ZNF280D: variants seen among roughly 807,000 people sequenced by gnomAD.
ZNF280D encodes the protein zinc finger protein 280D.
Under a neutral mutation model 94.7 loss-of-function variants are expected in ZNF280D, and 39 were observed. That is an observed-to-expected ratio of 0.41 (90% CI 0.32 to 0.54). The LOEUF (loss-of-function observed/expected upper bound fraction) is 0.54. Among genes scored for constraint, ZNF280D ranks in the 20% least tolerant of loss-of-function variants. ZNF280D has a pLI of 0.22. For synonymous variants in ZNF280D, 398 were observed against 377.6 expected, an observed-to-expected ratio of 1.05 and a Z score of -0.63; for missense variants, 1,090 against 1,149.3, an observed-to-expected ratio of 0.95 and a Z score of 0.75.
intron 19 of ZNF280D, 142 bp from the exon 20 acceptor site, chr15:56,643,139 C>T (rs982430722): frequency 1.0e-5 from 5 of 483,088 alleles, no homozygotes; most frequent in Non-Finnish European, 1.4e-5. Context: ...GTAAATTGAC[C>T]TCTGTAAATG....
intron 14 of ZNF280D, chr15:56,668,276 A>G (rs1295579515): frequency 5.1e-6 from 2 of 392,358 alleles, no homozygotes; most frequent in Non-Finnish European, 9.9e-6. Flanking sequence ...ACAGATGTAC[A>G]TAAGGCAAAA....
At chr15:56,645,990 T>C (rs2052868487) in intron 19 of ZNF280D, among the ~76,000 whole-genome samples, 2 of 152,212 alleles carry the variant, frequency 1.3e-5, no homozygotes, top group African/African-American at 2.4e-5. Context: ...GGCCACATTC[T>C]TTCTTTCTGA....
At position 56,631,887 on chromosome 15, in the gene ZNF280D, A is replaced by G. The variant is rs1331270860; in HGVS notation, c.2551T>C (p.Leu851=). 2.5e-6 allele frequency: 4 copies of G among 1,613,530 alleles called. No homozygotes were observed. The highest frequency in any genetic ancestry group is 1.1e-5 in the South Asian group (1 of 91,070). The change falls in exon 22 of 22, where the codon TTG becomes CTG. Residue 851 remains leucine, a synonymous_variant. Transcript: ENST00000267807. ...QIQHVCQEME[L]KMCQSSENII... ...TTTTCTGAACTTTGGCACATCTTCA[A>G]CTCCATTTCCTGACAAACGTGTTGT...
chr15:56,709,373 G>C (rs572945456), intron 1 of ZNF280D, among the ~76,000 whole-genome samples: 1 of 150,088 alleles, frequency 6.7e-6, no homozygotes, highest in Non-Finnish European at 1.5e-5. Flanking sequence ...ATGCTAGAGA[G>C]GATGTGGAGA....
rs555629614 is a variant in ZNF280D, at chr15:56,655,269, G to A, written c.2058-766C>T. On this transcript the variant is annotated intron_variant, in intron 17 of 21. Transcript: ENST00000267807. The stretch of plus-strand genomic sequence containing the variant: ...GTCACCCAGGCGGGAGTGCAGTGGC[G>A]TGATCTCAGCTCACTGCAACCTCCA... Among the ~76,000 whole-genome samples, 29 of 152,294 alleles carry A rather than the reference G, an allele frequency of 1.9e-4. No individual in the cohort carries two copies. The East Asian group carries it at 3.9e-3, about 20-fold the overall frequency.
rs1382210820 is a variant in ZNF280D at position 56,678,689 on chromosome 15, A to G, written c.1137T>C (p.Ser379=). ...TAGAAAATTCATGGGGCGTATGTGT[A>G]CTTTCGATGTGACACTGCAACTGAA... is the stretch of plus-strand genomic sequence containing the variant. ...TPFQLQCHIE[S]THTPHEFSTI... is the part of the protein sequence containing the mutation. The change falls in exon 11 of 22, where the codon AGT becomes AGC. Residue 379 remains serine, a synonymous_variant. Transcript: ENST00000267807. 1.9e-6 allele frequency: 3 copies of G among 1,611,848 alleles called. No homozygotes were observed. The highest frequency in any genetic ancestry group is 3.4e-5 in the Admixed American group (2 of 59,510).
chr15:56,652,320 T>C (rs2053254686), intron 19 of ZNF280D, among the ~76,000 whole-genome samples: 1 of 152,126 alleles, frequency 6.6e-6, no homozygotes, highest in Non-Finnish European at 1.5e-5. Flanking sequence ...GAAATTAGTA[T>C]AGTAACCTTT....
intron 6 of ZNF280D, among the ~76,000 whole-genome samples, chr15:56,693,462 T>C (rs2056542268): frequency 6.6e-6 from 1 of 152,016 alleles, no homozygotes; most frequent in African/African-American, 2.4e-5. Flanking sequence ...AAGCAAGCTA[T>C]TACTTAGAGC....
chr15:56,691,656 T>G (rs480701), intron 7 of ZNF280D, among the ~76,000 whole-genome samples: 140,447 of 152,102 alleles, frequency 0.92, 65,234 homozygotes, highest in East Asian at 1. Context: ...TCCAGTTTTC[T>G]CCAAACCCCC....
intron 11 of ZNF280D, among the ~76,000 whole-genome samples, chr15:56,677,981 T>C (rs983096650): frequency 1.3e-5 from 2 of 151,966 alleles, no homozygotes; most frequent in Admixed American, 6.6e-5. Context: ...CCAAGCTATC[T>C]TGCTCCAACA....
chr15:56,696,977 T>C (rs1566996657), intron 6 of ZNF280D, among the ~76,000 whole-genome samples: 1 of 152,204 alleles, frequency 6.6e-6, no homozygotes, highest in African/African-American at 2.4e-5. Context: ...CTCTTGCTTT[T>C]ATTTTTTTTC....
chr15:56,683,544 T>G (rs1211040298), intron 9 of ZNF280D, among the ~76,000 whole-genome samples: 1 of 152,206 alleles, frequency 6.6e-6, no homozygotes, highest in African/African-American at 2.4e-5. Flanking sequence ...ATATGTACTT[T>G]AATGCCATAT....
chr15:56,668,675 T>C (rs2054466830), intron 14 of ZNF280D, 148 bp downstream of exon 14: 1 of 695,456 alleles, frequency 1.4e-6, no homozygotes, highest in African/African-American at 1.9e-5. Flanking sequence ...GTTAGAAGTT[T>C]TTCCTTCTAC....
chr15:56,680,352 T>C (rs1347411278), intron 10 of ZNF280D, among the ~76,000 whole-genome samples: 1 of 152,230 alleles, frequency 6.6e-6, no homozygotes, highest in Non-Finnish European at 1.5e-5. Context: ...TAATAAATGA[T>C]CAGTATTTTT....
At chr15:56,724,177 T>G (rs1164579833) in intron 1 of ZNF280D, among the ~76,000 whole-genome samples, 1 of 152,190 alleles carries the variant, frequency 6.6e-6, no homozygotes, top group African/African-American at 2.4e-5. Flanking sequence ...TCAAAAAAAC[T>G]TAAGTTAAAC....
intron 1 of ZNF280D, among the ~76,000 whole-genome samples, chr15:56,723,402 GAAT>G (rs1274176380): frequency 6.6e-6 from 1 of 152,092 alleles, no homozygotes; most frequent in African/African-American, 2.4e-5. Flanking sequence ...CTAATATTCA[GAAT>G]AATGGGTAAC....
intron 1 of ZNF280D, among the ~76,000 whole-genome samples, chr15:56,708,907 AGAAGAAAAC>A: frequency 6.6e-6 from 1 of 152,308 alleles, no homozygotes; most frequent in East Asian, 1.9e-4. Context: ...TAAAAACCCT[AGAAGAAAAC>A]CTAGGCAATA....
At chr15:56,724,149 T>C (rs117744099) in intron 1 of ZNF280D, among the ~76,000 whole-genome samples, 2,868 of 152,296 alleles carry the variant, frequency 0.019, 37 homozygotes, top group Non-Finnish European at 0.028. Flanking sequence ...TGTATATTGC[T>C]GTCACACCAT....
At chr15:56,699,436 T>C (rs1359881708) in intron 6 of ZNF280D, 2 of 804,210 alleles carry the variant, frequency 2.5e-6, no homozygotes, top group Non-Finnish European at 3.0e-6. Context: ...ACTATACACA[T>C]GTTCATTTTT....
Sources: allele counts gnomAD v4.1 joint callset (sites outside exome capture counted in the v4.1 genomes callset), GRCh38; gene constraint gnomAD v4.1.1; transcripts MANE v1.5; gene names NCBI Gene and HGNC (gene_info 2026-07-23, HGNC 2026-07-21).